Variants in SCFD2 observed in about 807,000 individuals in gnomAD.
SCFD2 encodes the protein sec1 family domain containing 2.
In SCFD2, 54 loss-of-function variants were observed where a neutral mutation model predicts 58.9. That is an observed-to-expected ratio of 0.92 (90% CI 0.74 to 1.15). The LOEUF (loss-of-function observed/expected upper bound fraction) is 1.15, where lower values mean the gene tolerates loss of function less well. SCFD2 is among the 50% of genes most tolerant of loss of function. The pLI, the probability that SCFD2 is intolerant of heterozygous loss-of-function variation, is 0.00. For missense variants in SCFD2, 805 were observed against 836.6 expected (o/e 0.96, Z 0.47); for synonymous variants, 321 against 335.9 (o/e 0.96, Z 0.49).
chr4:53,310,339 A>C (rs1732653628), intron 3 of SCFD2, among the ~76,000 whole-genome samples: 1 of 152,228 alleles, frequency 6.6e-6, no homozygotes, highest in Admixed American at 6.5e-5. Context: ...TCACCCATTA[A>C]ACACTGGGGA....
At chr4:53,278,884 T>TAAAAAAA in intron 3 of SCFD2, among the ~76,000 whole-genome samples, 1 of 111,470 alleles carries the variant, frequency 9.0e-6, no homozygotes. Flanking sequence ...ACAGATGCTC[T>TAAAAAAA]AAAAAAAAAA....
intron 5 of SCFD2, among the ~76,000 whole-genome samples, chr4:52,925,564 A>G (rs981339243): frequency 6.6e-6 from 1 of 152,066 alleles, no homozygotes; most frequent in Non-Finnish European, 1.5e-5. Context: ...GCCTGGTTGC[A>G]CAGCCTCCTT....
chr4:52,915,526 C>T (rs917177976), intron 6 of SCFD2, among the ~76,000 whole-genome samples: 40 of 152,234 alleles, frequency 2.6e-4, no homozygotes, highest in African/African-American at 9.4e-4. Context: ...CTCCTTTCAT[C>T]TTCTTAAAGG....
chr4:52,885,519 C>G (rs1158915717), intron 8 of SCFD2, among the ~76,000 whole-genome samples: 1 of 152,098 alleles, frequency 6.6e-6, no homozygotes, highest in Non-Finnish European at 1.5e-5. Context: ...TCAAAATGAC[C>G]CAGTCCTCCA....
intron 5 of SCFD2, among the ~76,000 whole-genome samples, chr4:53,090,943 C>G (rs975690907): frequency 1.2e-4 from 18 of 152,156 alleles, no homozygotes; most frequent in African/African-American, 4.3e-4. Flanking sequence ...ATAACAAACA[C>G]AGGTCTGCCT....
intron 4 of SCFD2, among the ~76,000 whole-genome samples, chr4:53,236,497 C>A (rs532010897): frequency 2.0e-5 from 3 of 147,662 alleles, no homozygotes; most frequent in African/African-American, 7.5e-5. Context: ...TCTAAGAGAA[C>A]CTTGACTAAT....
Position 53,140,068 on chromosome 4 carries a change from C to T in SCFD2, c.1561+5265G>A, listed in dbSNP as rs547406559. Reference sequence around the variant, plus strand: ...CAAGTACCCAGGGACACAAACACTGCGGAAGGCGGCAGGGCCCTCTGCCTA... The same window carrying T: ...CAAGTACCCAGGGACACAAACACTGTGGAAGGCGGCAGGGCCCTCTGCCTA... On this transcript the variant is annotated intron_variant, in intron 5 of 8. Transcript: ENST00000401642. 5.5e-4 allele frequency among the ~76,000 whole-genome samples: 83 copies of T among 151,580 alleles called. 1 individual carries two copies. Among genetic ancestry groups the T allele is most frequent in the Admixed American group, 8.5e-4 (13 of 15,234 alleles).
intron 5 of SCFD2, among the ~76,000 whole-genome samples, chr4:53,099,348 C>A (rs2148873774): frequency 6.6e-6 from 1 of 152,214 alleles, no homozygotes; most frequent in South Asian, 2.1e-4. Flanking sequence ...AACTTGTAAC[C>A]ATCAAACCCA....
intron 4 of SCFD2, among the ~76,000 whole-genome samples, chr4:53,232,413 C>T (rs566701568): frequency 1.3e-5 from 2 of 152,076 alleles, no homozygotes; most frequent in East Asian, 3.9e-4. Flanking sequence ...AGCTTTTTGG[C>T]AATTTTGTTT....
At chr4:52,939,983 TG>T (rs1720248609) in intron 5 of SCFD2, among the ~76,000 whole-genome samples, 1 of 152,250 alleles carries the variant, frequency 6.6e-6, no homozygotes, top group African/African-American at 2.4e-5. Context: ...CCAGCCCAGC[TG>T]GCTTAGGAAT....
At chr4:52,959,895 G>GAAAC (rs920005234) in intron 5 of SCFD2, among the ~76,000 whole-genome samples, 2 of 103,350 alleles carry the variant, frequency 1.9e-5, no homozygotes, top group African/African-American at 9.0e-5. Context: ...ACTCCAAATT[G>GAAAC]AAACACACAC....
At chr4:52,947,912 G>T (rs377421304) in intron 5 of SCFD2, among the ~76,000 whole-genome samples, 1 of 45,300 alleles carries the variant, frequency 2.2e-5, no homozygotes, top group Non-Finnish European at 4.7e-5. Flanking sequence ...AGTAAACAAA[G>T]AAATCAATAA....
At position 53,309,721 on chromosome 4, in the gene SCFD2, C is replaced by T. The variant is rs77759974; in HGVS notation, c.1135+3915G>A. On this transcript the variant is annotated intron_variant, in intron 3 of 8. Transcript: ENST00000401642. Reference sequence around the variant, plus strand: ...TGGAAAGAATGAATTAGTACATTTCCGAGAAAGAAAGGAGAAATAATCTAA... The same window carrying T: ...TGGAAAGAATGAATTAGTACATTTCTGAGAAAGAAAGGAGAAATAATCTAA... 1.1e-3 allele frequency among the ~76,000 whole-genome samples: 164 copies of T among 152,132 alleles called. 1 individual carries two copies. Among genetic ancestry groups the T allele is most frequent in the Admixed American group, 2.6e-3 (40 of 15,270 alleles).
chr4:53,000,662 A>G (rs1255338583), intron 5 of SCFD2, among the ~76,000 whole-genome samples: 1 of 152,222 alleles, frequency 6.6e-6, no homozygotes, highest in Non-Finnish European at 1.5e-5. Flanking sequence ...AGGCCAGCCT[A>G]CTGCCCCTGG....
chr4:52,910,486 T>C (rs1719459517), intron 6 of SCFD2, among the ~76,000 whole-genome samples: 1 of 152,252 alleles, frequency 6.6e-6, no homozygotes, highest in Non-Finnish European at 1.5e-5. Flanking sequence ...TCTCTGTTAC[T>C]TGTAACTGAA....
At chr4:53,170,646 T>A (rs779328932) in intron 4 of SCFD2, among the ~76,000 whole-genome samples, 3 of 152,242 alleles carry the variant, frequency 2.0e-5, no homozygotes, top group Non-Finnish European at 2.9e-5. Flanking sequence ...TTAACAATAT[T>A]AATTCTTCCA....
At chr4:53,248,117 C>A (rs1380021292) in intron 4 of SCFD2, among the ~76,000 whole-genome samples, 1 of 152,180 alleles carries the variant, frequency 6.6e-6, no homozygotes, top group Non-Finnish European at 1.5e-5. Context: ...CTGGGAAGCA[C>A]AAGGGATCAG....
At chr4:52,895,498 A>G (rs907088421) in intron 7 of SCFD2, among the ~76,000 whole-genome samples, 25 of 152,188 alleles carry the variant, frequency 1.6e-4, no homozygotes, top group African/African-American at 5.5e-4. Flanking sequence ...AAAGGACATG[A>G]ACTCATCCTT....
intron 5 of SCFD2, among the ~76,000 whole-genome samples, chr4:53,022,385 T>A (rs1386454433): frequency 6.6e-6 from 1 of 152,200 alleles, no homozygotes; most frequent in Non-Finnish European, 1.5e-5. Context: ...AAGGCTCACA[T>A]TAAATCAGGC....
Sources: allele counts gnomAD v4.1 joint callset (sites outside exome capture counted in the v4.1 genomes callset), GRCh38; gene constraint gnomAD v4.1.1; transcripts MANE v1.5; gene names NCBI Gene and HGNC (gene_info 2026-07-23, HGNC 2026-07-21).